Variants in ASCC3 observed in about 807,000 individuals in gnomAD.
ASCC3 encodes ASC-1 complex subunit P200.
Under a neutral mutation model 256.3 loss-of-function variants are expected in ASCC3, and 158 were observed. The ratio of observed to expected loss-of-function variants is 0.62; its 90% CI spans 0.54 to 0.70. The LOEUF is 0.70. ASCC3 is among the 30% of genes least tolerant of loss of function. The pLI, the probability that ASCC3 is intolerant of heterozygous loss-of-function variation, is 0.00. For missense variants in ASCC3, 2,259 were observed against 2,626.0 expected (o/e 0.86, Z 3.05); for synonymous variants, 948 against 883.4 (o/e 1.07, Z -1.30).
rs577128381 is a variant in ASCC3 at position 100,579,185 on chromosome 6, T to C, written c.5550+10449A>G. ...TTGCCCACTTTTTAATGGGGTTGTT[T>C]GTTTTTTTTTTTTTGCTCGTTAATT... On this transcript the variant is annotated intron_variant, in intron 36 of 41. Transcript: ENST00000369162. Among the ~76,000 whole-genome samples, 170 of 146,508 alleles carry C rather than the reference T, an allele frequency of 1.2e-3. 1 individual carries two copies. The highest frequency in any genetic ancestry group is 2.6e-3 in the Admixed American group (38 of 14,620).
intron 10 of ASCC3, among the ~76,000 whole-genome samples, chr6:100,727,773 T>C (rs2115043444): frequency 6.6e-6 from 1 of 152,208 alleles, no homozygotes; most frequent in East Asian, 1.9e-4. Flanking sequence ...TTAACGTGGC[T>C]TCACAAAGAA....
intron 13 of ASCC3, among the ~76,000 whole-genome samples, chr6:100,709,969 C>T (rs759730851): frequency 1.3e-5 from 2 of 152,066 alleles, no homozygotes; most frequent in Non-Finnish European, 2.9e-5. Flanking sequence ...TTACGGAAAA[C>T]GAATGTCATC....
At chr6:100,535,413 T>C (rs189038890) in intron 37 of ASCC3, among the ~76,000 whole-genome samples, 1 of 152,202 alleles carries the variant, frequency 6.6e-6, no homozygotes, top group East Asian at 1.9e-4. Context: ...TCACACAATT[T>C]TGTAGAGAAC....
intron 37 of ASCC3, among the ~76,000 whole-genome samples, chr6:100,531,259 C>T (rs553678297): frequency 1.3e-5 from 2 of 152,126 alleles, no homozygotes; most frequent in South Asian, 4.1e-4. Flanking sequence ...CTGGGCTGCT[C>T]TAAACATTTA....
chr6:100,648,345 C>T (rs981728545), intron 20 of ASCC3, among the ~76,000 whole-genome samples: 5 of 151,978 alleles, frequency 3.3e-5, no homozygotes, highest in African/African-American at 1.2e-4. Flanking sequence ...CTTATACCTT[C>T]CAAAATCCAG....
chr6:100,754,321 T>C (rs796527699), intron 10 of ASCC3, among the ~76,000 whole-genome samples: 60 of 152,254 alleles, frequency 3.9e-4, no homozygotes, highest in African/African-American at 1.4e-3. Flanking sequence ...AACATTGACC[T>C]GGTGTTGATT....
At chr6:100,844,773 G>A (rs534731950) in intron 4 of ASCC3, among the ~76,000 whole-genome samples, 5 of 152,122 alleles carry the variant, frequency 3.3e-5, no homozygotes, top group African/African-American at 1.2e-4. Context: ...AGGGAAAAGG[G>A]GATGATATTG....
chr6:100,565,723 G>C (rs1770207228), intron 36 of ASCC3, among the ~76,000 whole-genome samples: 1 of 152,180 alleles, frequency 6.6e-6, no homozygotes, highest in Admixed American at 6.6e-5. Context: ...ACCAAAAAGA[G>C]AGAACTCAGA....
chr6:100,582,083 C>T (rs1582491679), intron 36 of ASCC3, among the ~76,000 whole-genome samples: 1 of 151,138 alleles, frequency 6.6e-6, no homozygotes, highest in Non-Finnish European at 1.5e-5. Flanking sequence ...TTTTTTGGTT[C>T]CATATGAACT....
chr6:100,772,575 G>A (rs578039092), intron 8 of ASCC3, among the ~76,000 whole-genome samples: 71 of 152,292 alleles, frequency 4.7e-4, no homozygotes, highest in Non-Finnish European at 8.8e-4. Context: ...TTGGACAAAA[G>A]ATATACTCAG....
chr6:100,797,772 T>C (rs777619709), intron 8 of ASCC3, among the ~76,000 whole-genome samples: 2 of 152,100 alleles, frequency 1.3e-5, no homozygotes, highest in African/African-American at 2.4e-5. Context: ...AAGATATAAC[T>C]AGAATTTTAT....
intron 16 of ASCC3, 103 bp from the exon 17 acceptor site, chr6:100,655,921 AT>A: frequency 7.4e-7 from 1 of 1,349,746 alleles, no homozygotes; most frequent in Non-Finnish European, 1.0e-6. Context: ...ATACATCATT[AT>A]GCAGTATTTT....
At chr6:100,568,010 A>C (rs1582462700) in intron 36 of ASCC3, among the ~76,000 whole-genome samples, 1 of 151,326 alleles carries the variant, frequency 6.6e-6, no homozygotes, top group African/African-American at 2.5e-5. Flanking sequence ...TCCCACCAAC[A>C]GTTTGTAAGC....
At chr6:100,879,399 C>T (rs1769168067) in intron 1 of ASCC3, among the ~76,000 whole-genome samples, 1 of 152,188 alleles carries the variant, frequency 6.6e-6, no homozygotes, top group South Asian at 2.1e-4. Flanking sequence ...GGATGAAAGT[C>T]CCAACCTTCT....
At chr6:100,607,919 T>A (rs1772986283) in intron 30 of ASCC3, among the ~76,000 whole-genome samples, 1 of 149,616 alleles carries the variant, frequency 6.7e-6, no homozygotes, top group South Asian at 2.1e-4. Flanking sequence ...TACCTTTTAA[T>A]TTTTTAAGTC....
At chr6:100,523,996 C>T (rs1265275526) in intron 37 of ASCC3, among the ~76,000 whole-genome samples, 1 of 152,072 alleles carries the variant, frequency 6.6e-6, no homozygotes, top group Non-Finnish European at 1.5e-5. Flanking sequence ...AGTAACAGCT[C>T]TCATCTAATA....
At chr6:100,850,837 A>G (rs1031662450) in intron 3 of ASCC3, among the ~76,000 whole-genome samples, 2 of 152,194 alleles carry the variant, frequency 1.3e-5, no homozygotes, top group African/African-American at 4.8e-5. Flanking sequence ...TATACATTTT[A>G]CTTATAACTT....
At chr6:100,642,536 C>G in intron 24 of ASCC3, 45 bp downstream of exon 24, 1 of 1,600,666 alleles carries the variant, frequency 6.2e-7, no homozygotes, top group Non-Finnish European at 8.6e-7. Flanking sequence ...TTAAAACAAC[C>G]ATTTTGGAAA....
At chr6:100,688,186 C>A (rs1777674361) in intron 13 of ASCC3, among the ~76,000 whole-genome samples, 1 of 150,216 alleles carries the variant, frequency 6.7e-6, no homozygotes. Flanking sequence ...AGTACGCAAA[C>A]CATGGAAAAC....
Sources: allele counts gnomAD v4.1 joint callset (sites outside exome capture counted in the v4.1 genomes callset), GRCh38; gene constraint gnomAD v4.1.1; transcripts MANE v1.5; gene names NCBI Gene and HGNC (gene_info 2026-07-23, HGNC 2026-07-21).